The following GRIK1 variants were observed in gnomAD, a reference collection of about 807,000 sequenced individuals.
GRIK1 encodes glutamate ionotropic receptor kainate type subunit 1.
Under a neutral mutation model 105.7 loss-of-function variants are expected in GRIK1, and 69 were observed. The observed-to-expected ratio is 0.65, with a 90% CI of 0.54 to 0.80. The LOEUF is 0.80. Among genes scored for constraint, GRIK1 ranks in the 30% least tolerant of loss-of-function variants. The pLI is 0.00. For synonymous variants in GRIK1, 438 were observed against 431.3 expected (o/e 1.02, Z -0.19); for missense variants, 1,109 against 1,167.3 (o/e 0.95, Z 0.73).
chr21:29,690,021 G>C, intron 2 of GRIK1, 36 bp from the exon 3 acceptor site: 1 of 1,523,164 alleles, frequency 6.6e-7, no homozygotes, highest in Non-Finnish European at 9.0e-7. Context: ...TGGGGAGGGA[G>C]GGCAGGGAAA....
chr21:29,884,317 C>T (rs927884625), intron 1 of GRIK1, among the ~76,000 whole-genome samples: 1 of 151,934 alleles, frequency 6.6e-6, no homozygotes, highest in East Asian at 1.9e-4. Flanking sequence ...ATTTTTAAAA[C>T]AAATCTCATT....
At chr21:29,923,826 T>C (rs1270262003) in intron 1 of GRIK1, among the ~76,000 whole-genome samples, 1 of 152,116 alleles carries the variant, frequency 6.6e-6, no homozygotes, top group African/African-American at 2.4e-5. Context: ...TAAGAGGAGA[T>C]GATTAGGATT....
At chr21:29,701,344 A>G (rs907960978) in intron 1 of GRIK1, among the ~76,000 whole-genome samples, 2 of 152,224 alleles carry the variant, frequency 1.3e-5, no homozygotes, top group Non-Finnish European at 2.9e-5. Flanking sequence ...AAAAGCCTAA[A>G]GATAATGAGA....
At chr21:29,918,362 AG>A (rs1182604255) in intron 1 of GRIK1, among the ~76,000 whole-genome samples, 5 of 152,110 alleles carry the variant, frequency 3.3e-5, no homozygotes, top group Non-Finnish European at 7.4e-5. Flanking sequence ...AGCCCAGCGA[AG>A]TAGACATAAC....
At chr21:29,790,362 A>G (rs183108029) in intron 1 of GRIK1, among the ~76,000 whole-genome samples, 331 of 152,152 alleles carry the variant, frequency 2.2e-3, no homozygotes, top group African/African-American at 7.5e-3. Flanking sequence ...CCCTTTTATT[A>G]TATTTGAGAT....
intron 1 of GRIK1, among the ~76,000 whole-genome samples, chr21:29,849,220 A>T (rs2068231422): frequency 6.6e-6 from 1 of 152,180 alleles, no homozygotes; most frequent in African/African-American, 2.4e-5. Context: ...AACATTTTGC[A>T]TTGTTCATCT....
intron 1 of GRIK1, among the ~76,000 whole-genome samples, chr21:29,779,928 A>T (rs1380877472): frequency 1.3e-5 from 2 of 152,178 alleles, no homozygotes; most frequent in Non-Finnish European, 2.9e-5. Context: ...AAAAACCCTC[A>T]TGCCTGGATT....
chr21:29,591,161 T>G lies in GRIK1; in HGVS notation c.1316A>C (p.Asn439Thr). 1 of 1,611,872 alleles carries G rather than the reference T, an allele frequency of 6.2e-7. No individual in the cohort carries two copies. Among genetic ancestry groups the G allele is most frequent in the Non-Finnish European group, 8.5e-7 (1 of 1,177,918 alleles). The part of the protein sequence containing the change: ...MTDSNKDKSS[N>T]ITDSLANRTL... Reference sequence around the variant, plus strand: ...TCTGTTGGCCAATGAATCAGTGATATTGCTGGACTTGTCTTTGTTGCTGTC... The same window carrying G: ...TCTGTTGGCCAATGAATCAGTGATAGTGCTGGACTTGTCTTTGTTGCTGTC... Residue 439 changes from asparagine to threonine, a missense_variant, in exon 10 of 18, where the codon AAT becomes ACT. This residue lies in a region of GRIK1 where 612 missense variants were observed against 586.0 expected (regional missense o/e 1.04). Transcript: ENST00000327783.
chr21:29,902,515 C>A (rs897683094), intron 1 of GRIK1, among the ~76,000 whole-genome samples: 1 of 151,992 alleles, frequency 6.6e-6, no homozygotes, highest in African/African-American at 2.4e-5. Flanking sequence ...AGACAGAGAG[C>A]CAAATCATGA....
Position 29,753,499 on chromosome 21 carries a change from G to A in GRIK1, c.119-59436C>T, listed in dbSNP as rs187499036. Among the ~76,000 whole-genome samples the A allele has an allele frequency of 3.9e-5, 6 of 152,290 alleles. No homozygotes were observed. The East Asian group carries it at 9.7e-4, about 25-fold the overall frequency. ...ACTCTCCGCAGATGGGGCCAGTGTAGCAAAGCCCTCTGGCATAGATGGGCT... is the reference window on the plus strand; with the variant it reads ...ACTCTCCGCAGATGGGGCCAGTGTAACAAAGCCCTCTGGCATAGATGGGCT... On this transcript the variant is annotated intron_variant, in intron 1 of 17. Transcript: ENST00000327783.
chr21:29,628,634 T>A (rs905283975), intron 7 of GRIK1, among the ~76,000 whole-genome samples: 1 of 152,210 alleles, frequency 6.6e-6, no homozygotes, highest in African/African-American at 2.4e-5. Flanking sequence ...TGAAATGGAA[T>A]AAATTGGCTT....
chr21:29,894,168 T>C (rs1343286622), intron 1 of GRIK1, among the ~76,000 whole-genome samples: 3 of 152,102 alleles, frequency 2.0e-5, no homozygotes, highest in Non-Finnish European at 4.4e-5. Context: ...TATATGTATA[T>C]ATGAGATGGA....
chr21:29,792,455 T>C (rs948359169), intron 1 of GRIK1, among the ~76,000 whole-genome samples: 7 of 152,184 alleles, frequency 4.6e-5, no homozygotes, highest in Admixed American at 3.9e-4. Flanking sequence ...GCCATTCCCA[T>C]CGTTATGAGG....
chr21:29,828,716 T>G (rs1289332879), intron 1 of GRIK1, among the ~76,000 whole-genome samples: 1 of 152,010 alleles, frequency 6.6e-6, no homozygotes, highest in Admixed American at 6.6e-5. Flanking sequence ...CCCAGAATGG[T>G]CTCAAACCTC....
At chr21:29,722,275 G>A (rs2064341436) in intron 1 of GRIK1, among the ~76,000 whole-genome samples, 1 of 151,964 alleles carries the variant, frequency 6.6e-6, no homozygotes, top group African/African-American at 2.4e-5. Context: ...CTGGTTGGAG[G>A]GTATTATCAT....
intron 1 of GRIK1, among the ~76,000 whole-genome samples, chr21:29,711,287 T>C (rs902886519): frequency 2.0e-5 from 3 of 152,196 alleles, no homozygotes; most frequent in African/African-American, 7.2e-5. Context: ...GATATATAAA[T>C]ACCATTGTGT....
At chr21:29,913,030 T>C (rs1409625602) in intron 1 of GRIK1, among the ~76,000 whole-genome samples, 2 of 152,050 alleles carry the variant, frequency 1.3e-5, no homozygotes, top group African/African-American at 2.4e-5. Flanking sequence ...GCCATGGGTG[T>C]TTAATAAGAT....
chr21:29,587,157 T>A (rs575460768), intron 12 of GRIK1, among the ~76,000 whole-genome samples: 57 of 152,306 alleles, frequency 3.7e-4, no homozygotes, highest in Admixed American at 3.3e-3. Flanking sequence ...ATATTAAAAA[T>A]TATCTTCCTC....
At chr21:29,721,994 G>A (rs1241654638) in intron 1 of GRIK1, among the ~76,000 whole-genome samples, 2 of 152,108 alleles carry the variant, frequency 1.3e-5, no homozygotes, top group Non-Finnish European at 2.9e-5. Flanking sequence ...TATTAACAAT[G>A]TATTTCCTGT....
Sources: gnomAD v4.1 joint callset for allele counts (sites outside exome capture counted in the v4.1 genomes callset) on GRCh38, gnomAD v4.1.1 for gene constraint, gnomAD v4.1.1 regional missense constraint, MANE v1.5 for transcripts, NCBI Gene and HGNC (gene_info 2026-07-23, HGNC 2026-07-21) for gene names.